The following MYOF variants were observed in gnomAD, a reference collection of about 807,000 sequenced individuals.
The protein encoded by MYOF is myoferlin.
A neutral mutation model predicts 284.2 loss-of-function variants in MYOF; 244 were observed. The ratio of observed to expected loss-of-function variants is 0.86; its 90% CI spans 0.77 to 0.95. The LOEUF (loss-of-function observed/expected upper bound fraction) is 0.95. MYOF is among the 40% of genes least tolerant of loss of function. MYOF has a pLI of 0.00. For missense variants in MYOF, 2,496 were observed against 2,560.6 expected (o/e 0.97, Z 0.54); for synonymous variants, 904 against 919.7 (o/e 0.98, Z 0.31).
At chr10:93,368,238 C>T (rs957565230) in intron 25 of MYOF, among the ~76,000 whole-genome samples, 13 of 152,130 alleles carry the variant, frequency 8.5e-5, no homozygotes, top group Non-Finnish European at 2.9e-5. Context: ...TAGTGGCCTC[C>T]AGCACACCCT....
At chr10:93,363,297 G>A (rs895099322) in intron 27 of MYOF, among the ~76,000 whole-genome samples, 6 of 152,152 alleles carry the variant, frequency 3.9e-5, no homozygotes, top group African/African-American at 1.4e-4. Context: ...ATATGGATTG[G>A]GGAGAATAAT....
Position 93,379,989 on chromosome 10 carries a change from T to C in MYOF, c.1877-2A>G. On this transcript the variant is annotated splice_acceptor_variant, in intron 20 of 53. Coordinates refer to ENST00000359263, the MANE Select transcript of MYOF (RefSeq NM_013451.4). LOFTEE classifies it high-confidence loss of function. ...AAGGCAAGTAATAATAGTAGTTGCC[T>C]GGTATAAAACATTGGGGGTCAATGA... 6.2e-7 allele frequency: 1 copy of C among 1,613,222 alleles called. No homozygotes were observed. The highest frequency in any genetic ancestry group is 8.5e-7 in the Non-Finnish European group (1 of 1,179,346).
In MYOF at chr10:93,337,851, G is replaced by T; in HGVS notation, c.4401C>A (p.Cys1467Ter). Residue 1467 changes from cysteine (C) to a stop codon, truncating the protein, a stop_gained, in exon 40 of 54, where the codon TGC (cysteine) becomes TGA (stop). Coordinates refer to ENST00000359263, the MANE Select transcript of MYOF (RefSeq NM_013451.4). LOFTEE classifies it high-confidence loss of function. ...FYASSGEHEK[C>*]GQYIQKGYSK... is the part of the protein sequence containing the mutation. Reference sequence around the variant, plus strand: ...AATAGCCTTTCTGAATATACTGTCCGCATTTTTCATGTTCCCCTGAGGAAG... The same window carrying T: ...AATAGCCTTTCTGAATATACTGTCCTCATTTTTCATGTTCCCCTGAGGAAG... 1.2e-6 allele frequency: 2 copies of T among 1,613,824 alleles called. No individual in the cohort carries two copies. The highest frequency in any genetic ancestry group is 1.3e-5 in the African/African-American group (1 of 74,926).
chr10:93,396,285 G>T, intron 15 of MYOF, 61 bp from the exon 16 acceptor site: 1 of 1,168,874 alleles, frequency 8.6e-7, no homozygotes. Flanking sequence ...CATCTAGGAA[G>T]ATATGTCTTC....
At chr10:93,422,313 G>A (rs569471399) in intron 5 of MYOF, among the ~76,000 whole-genome samples, 5 of 152,348 alleles carry the variant, frequency 3.3e-5, no homozygotes, top group African/African-American at 9.6e-5. Context: ...ACTTCCGTGG[G>A]AGAGCTGGGC....
chr10:93,370,314 ATTTTTTT>A (rs916555324), intron 24 of MYOF, among the ~76,000 whole-genome samples: 1 of 122,426 alleles, frequency 8.2e-6, no homozygotes, highest in Admixed American at 8.5e-5. Context: ...ATGATTACTA[ATTTTTTT>A]TTTTTTTTTT....
chr10:93,436,783 T>C (rs1849144010), intron 3 of MYOF, among the ~76,000 whole-genome samples: 1 of 152,212 alleles, frequency 6.6e-6, no homozygotes, highest in African/African-American at 2.4e-5. Flanking sequence ...GGTCTGACCA[T>C]AAGCCAATTT....
chr10:93,351,110 A>C, intron 35 of MYOF, 87 bp downstream of exon 35: 1 of 1,381,126 alleles, frequency 7.2e-7, no homozygotes, highest in Admixed American at 1.9e-5. Flanking sequence ...GAAAATATGC[A>C]GCAGGATTCT....
At chr10:93,391,365 C>T (rs1325284619) in intron 17 of MYOF, among the ~76,000 whole-genome samples, 7 of 151,752 alleles carry the variant, frequency 4.6e-5, no homozygotes, top group East Asian at 1.9e-4. Context: ...CTGAGGCAGA[C>T]GGATCACCTG....
chr10:93,475,803 G>A (rs115253193), intron 1 of MYOF, among the ~76,000 whole-genome samples: 1,599 of 152,280 alleles, frequency 0.011, 23 homozygotes, highest in African/African-American at 0.036. Context: ...CTGAGGGCAC[G>A]CAGGTGAGAT....
At chr10:93,320,443 T>C (rs1212506962) in intron 48 of MYOF, among the ~76,000 whole-genome samples, 1 of 152,202 alleles carries the variant, frequency 6.6e-6, no homozygotes, top group Non-Finnish European at 1.5e-5. Context: ...TTTCCCATAT[T>C]TTACTTAAGC....
rs59229798 is a variant in MYOF, at chr10:93,426,176, G to A, written c.346-18C>T. Reference sequence around the variant, plus strand: ...ATGGTGGCCTGGGTAGAAATAATTCGTTGCAAATATTATCAGTGCAGGGCA... The same window carrying A: ...ATGGTGGCCTGGGTAGAAATAATTCATTGCAAATATTATCAGTGCAGGGCA... On this transcript the variant is annotated intron_variant, in intron 4 of 53. Coordinates refer to ENST00000359263, the MANE Select transcript of MYOF (RefSeq NM_013451.4). 1.3e-3 allele frequency: 1,951 copies of A among 1,550,708 alleles called. 13 individuals are homozygous for A. The highest frequency in any genetic ancestry group is 0.011 in the African/African-American group (798 of 73,216).
At position 93,366,519 on chromosome 10, in the gene MYOF, T is replaced by A; in HGVS notation, c.2626A>T (p.Thr876Ser). 6.2e-7 allele frequency: 1 copy of A among 1,611,910 alleles called. No individual in the cohort carries two copies. Among genetic ancestry groups the A allele is most frequent in the South Asian group, 1.1e-5 (1 of 90,592 alleles). Reference sequence around the variant, plus strand: ...TTATGACGTCCTACTAATCCAGAAGTACCCCATTTTCCAAACATGAGAGCT... The same window carrying A: ...TTATGACGTCCTACTAATCCAGAAGAACCCCATTTTCCAAACATGAGAGCT... ...NQALMFGKWG[T>S]SGLVGRHKFS... Residue 876 changes from threonine to serine, a missense_variant, in exon 26 of 54, where the codon ACT (threonine) becomes TCT (serine). This residue lies in a region of MYOF where 2,436 missense variants were observed against 2,480.7 expected (regional missense o/e 0.98). Coordinates refer to ENST00000359263, the MANE Select transcript of MYOF (RefSeq NM_013451.4).
At chr10:93,385,597 C>T (rs2134017876) in intron 19 of MYOF, among the ~76,000 whole-genome samples, 1 of 152,318 alleles carries the variant, frequency 6.6e-6, no homozygotes, top group African/African-American at 2.4e-5. Flanking sequence ...TCTCCTGGGG[C>T]TCCTGTTGCT....
At chr10:93,372,144 T>C (rs551636652) in intron 24 of MYOF, among the ~76,000 whole-genome samples, 1 of 152,350 alleles carries the variant, frequency 6.6e-6, no homozygotes, top group African/African-American at 2.4e-5. Flanking sequence ...CCAACTCTGC[T>C]TTTTCTCTTC....
At chr10:93,468,604 C>T (rs541313956) in intron 1 of MYOF, among the ~76,000 whole-genome samples, 55 of 152,292 alleles carry the variant, frequency 3.6e-4, no homozygotes, top group Admixed American at 6.5e-4. Flanking sequence ...AGATCCTATC[C>T]CTCCCAGGCC....
In MYOF at chr10:93,401,790, TGC is replaced by T. The variant is rs762712622; in HGVS notation, c.991-248_991-247del. 2.1e-3 allele frequency among the ~76,000 whole-genome samples: 111 copies of T among 53,734 alleles called. 1 individual carries two copies. Among genetic ancestry groups the T allele is most frequent in the Admixed American group, 4.9e-3 (16 of 3,248 alleles). 35.3% of individuals were successfully genotyped at this position (53,734 alleles called of 152,430 possible). A position where few individuals can be genotyped will look rare whatever the true frequency, so the allele number is the denominator to read the frequency against. On this transcript the variant is annotated intron_variant, in intron 11 of 53. Transcript: ENST00000359263. The stretch of plus-strand genomic sequence containing the variant: ...ATGAGCACCAAATAGTAAGAGCCTG[TGC>T]GTGTGTGTGTGTGTGTGTGTGTGTG...
chr10:93,362,541 G>T (rs138104421), intron 27 of MYOF, among the ~76,000 whole-genome samples: 1 of 152,046 alleles, frequency 6.6e-6, no homozygotes, highest in Non-Finnish European at 1.5e-5. Context: ...CACCACACCC[G>T]GCAGACACAT....
chr10:93,352,845 T>C (rs1333745941), intron 32 of MYOF, among the ~76,000 whole-genome samples: 16 of 152,222 alleles, frequency 1.1e-4, no homozygotes, highest in Admixed American at 9.8e-4. Flanking sequence ...GTGGAAAATA[T>C]TTGAAAATGT....
Sources: allele counts gnomAD v4.1 joint callset (sites outside exome capture counted in the v4.1 genomes callset), GRCh38; gene constraint gnomAD v4.1.1; regional missense constraint gnomAD v4.1.1; transcripts MANE v1.5; gene names NCBI Gene and HGNC (gene_info 2026-07-23, HGNC 2026-07-21).